The following STAU1 variants were observed in gnomAD, a reference collection of about 807,000 sequenced individuals.
STAU1 encodes staufen double-stranded RNA binding protein 1.
Under a neutral mutation model 62.9 loss-of-function variants are expected in STAU1, and 13 were observed. That is an observed-to-expected ratio of 0.21 (90% confidence interval 0.13 to 0.33). The LOEUF is 0.33. Among genes scored for constraint, STAU1 ranks in the 10% least tolerant of loss-of-function variants. STAU1 has a pLI of 1.00. For synonymous variants in STAU1, 269 were observed against 265.1 expected (o/e 1.01, Z -0.14); for missense variants, 571 against 712.1 (o/e 0.80, Z 2.25).
chr20:49,207,436 T>C, the STAU1 span, among the ~76,000 whole-genome samples: 2 of 152,186 alleles, frequency 1.3e-5, no homozygotes, highest in African/African-American at 2.4e-5. Flanking sequence ...TCTTTTTCTG[T>C]CTTCATGTGG....
chr20:49,128,739 A>G (rs1334574408), intron 6 of STAU1, among the ~76,000 whole-genome samples: 1 of 150,984 alleles, frequency 6.6e-6, no homozygotes, highest in African/African-American at 2.4e-5. Context: ...TGTCTCTTCA[A>G]CAAACAGTGC....
intron 1 of STAU1, among the ~76,000 whole-genome samples, chr20:49,177,843 G>A (rs2093678828): frequency 6.6e-6 from 1 of 152,120 alleles, no homozygotes; most frequent in South Asian, 2.1e-4. Flanking sequence ...CAGTCATTTG[G>A]ATCTCAAATA....
intron 5 of STAU1, among the ~76,000 whole-genome samples, chr20:49,149,112 G>A (rs545134954): frequency 1.1e-4 from 16 of 152,070 alleles, no homozygotes; most frequent in Non-Finnish European, 1.5e-4. Context: ...TTAGCTGGGC[G>A]TGGTGGTGAG....
At chr20:49,152,340 C>T (rs200866428) in intron 4 of STAU1, among the ~76,000 whole-genome samples, 22 of 104,566 alleles carry the variant, frequency 2.1e-4, no homozygotes, top group African/African-American at 2.9e-4. Context: ...CCACTAATGT[C>T]TTTTTTTTTT....
At chr20:49,181,116 G>A (rs6122763) in intron 1 of STAU1, among the ~76,000 whole-genome samples, 57,684 of 151,986 alleles carry the variant, frequency 0.38, 11,075 homozygotes, top group Middle Eastern at 0.49. Context: ...ACGCTGCAAA[G>A]ATGTTTATGA....
upstream of STAU1, among the ~76,000 whole-genome samples, chr20:49,188,533 C>G (rs1052068631): frequency 2.0e-5 from 3 of 152,204 alleles, no homozygotes; most frequent in African/African-American, 7.2e-5. Context: ...CCCTGTCCCG[C>G]CTGGACCGCA....
At chr20:49,146,309 T>C (rs561343004) in intron 5 of STAU1, among the ~76,000 whole-genome samples, 1 of 152,196 alleles carries the variant, frequency 6.6e-6, no homozygotes, top group Admixed American at 6.5e-5. Flanking sequence ...ATTTTAACTT[T>C]ACTCCTAATT....
At chr20:49,177,390 A>C (rs1402832162) in intron 1 of STAU1, among the ~76,000 whole-genome samples, 2 of 152,024 alleles carry the variant, frequency 1.3e-5, no homozygotes, top group African/African-American at 4.8e-5. Context: ...AAATTTAAAA[A>C]TTTAAGGGCC....
intron 6 of STAU1, among the ~76,000 whole-genome samples, chr20:49,134,313 C>T (rs1366307562): frequency 1.3e-5 from 2 of 151,888 alleles, no homozygotes; most frequent in Non-Finnish European, 2.9e-5. Flanking sequence ...TGCCTGTAAT[C>T]CCAGCTACTC....
At chr20:49,158,263 T>C (rs1279581026) in intron 3 of STAU1, among the ~76,000 whole-genome samples, 2 of 151,922 alleles carry the variant, frequency 1.3e-5, no homozygotes, top group East Asian at 3.9e-4. Flanking sequence ...GCCTGGGTGA[T>C]GACAGAGTAA....
chr20:49,118,113 C>A lies in STAU1; in HGVS notation c.1190-17G>T. Reference sequence around the variant, plus strand: ...CTTTATTACCTGGGAGGGACATACACGGTAAACACGAATCCACATCCACAG... The same window carrying A: ...CTTTATTACCTGGGAGGGACATACAAGGTAAACACGAATCCACATCCACAG... On this transcript the variant is annotated splice_polypyrimidine_tract_variant and intron_variant, in intron 10 of 13. Transcript: ENST00000371856. 2 of 1,605,782 alleles carry A rather than the reference C, an allele frequency of 1.2e-6. No individual in the cohort carries two copies. Among genetic ancestry groups the A allele is most frequent in the Non-Finnish European group, 1.7e-6 (2 of 1,173,562 alleles).
At chr20:49,125,212 A>AAAAAAAAAAAC (rs2092575044) in intron 6 of STAU1, among the ~76,000 whole-genome samples, 2 of 146,530 alleles carry the variant, frequency 1.4e-5, no homozygotes, top group Admixed American at 1.4e-4. Flanking sequence ...AAAAAAAAAA[A>AAAAAAAAAAAC]AAAAAAAAAA....
At chr20:49,184,091 G>A (rs943247196) in intron 1 of STAU1, among the ~76,000 whole-genome samples, 3 of 151,938 alleles carry the variant, frequency 2.0e-5, no homozygotes, top group Admixed American at 6.6e-5. Context: ...CACCCAGCCC[G>A]GCTAATTTTT....
chr20:49,202,098 T>C, the STAU1 span, among the ~76,000 whole-genome samples: 1 of 150,262 alleles, frequency 6.7e-6, no homozygotes, highest in Admixed American at 6.7e-5. Flanking sequence ...TGGGTGCCTG[T>C]AGTCCCAGCT....
chr20:49,160,702 A>G (rs2093434680), intron 3 of STAU1, among the ~76,000 whole-genome samples: 1 of 152,252 alleles, frequency 6.6e-6, no homozygotes, highest in Admixed American at 6.5e-5. Context: ...GGGAATGACA[A>G]GGATAACTGA....
chr20:49,198,292 G>A, the STAU1 span, among the ~76,000 whole-genome samples: 1 of 152,056 alleles, frequency 6.6e-6, no homozygotes, highest in South Asian at 2.1e-4. Flanking sequence ...GAGGTGGGCA[G>A]ATTATGAGGT....
At chr20:49,209,154 C>T in the STAU1 span, among the ~76,000 whole-genome samples, 4 of 151,232 alleles carry the variant, frequency 2.6e-5, no homozygotes, top group South Asian at 4.2e-4. Context: ...AGAGTGGTGT[C>T]GAACTCCTTG....
At chr20:49,145,836 G>A (rs1463507801) in intron 5 of STAU1, among the ~76,000 whole-genome samples, 1 of 152,048 alleles carries the variant, frequency 6.6e-6, no homozygotes, top group Non-Finnish European at 1.5e-5. Context: ...AGGCCACAGG[G>A]TACTATGATC....
chr20:49,120,075 G>C lies in STAU1; in HGVS notation c.1020C>G (p.Ala340=). 1 of 1,614,170 alleles carries C rather than the reference G, an allele frequency of 6.2e-7. No individual in the cohort carries two copies. The highest frequency in any genetic ancestry group is 8.5e-7 in the Non-Finnish European group (1 of 1,180,030). ...AEGTGTNKKV[A]KRNAAENMLE... is the part of the protein sequence containing the mutation. ...GCATGTTCTCGGCTGCATTGCGCTT[G>C]GCCACCTTCTTGTTGGTGCCCGTTC... Residue 340 remains alanine (A), a synonymous_variant, in exon 9 of 14, where the codon GCC becomes GCG. Transcript: ENST00000371856.
Sources: allele counts gnomAD v4.1 joint callset (sites outside exome capture counted in the v4.1 genomes callset), GRCh38; gene constraint gnomAD v4.1.1; transcripts MANE v1.5; gene names NCBI Gene and HGNC (gene_info 2026-07-23, HGNC 2026-07-21).